BTF3: variants seen among roughly 807,000 people sequenced by gnomAD.
The protein encoded by BTF3 is transcription factor BTF3.
In BTF3, 12 loss-of-function variants were observed where a neutral mutation model predicts 23.9. The ratio of observed to expected loss-of-function variants is 0.50; its 90% CI spans 0.32 to 0.81. The LOEUF is 0.81. BTF3 is among the 40% of genes least tolerant of loss of function. The pLI, the probability that BTF3 is intolerant of heterozygous loss-of-function variation, is 0.03. For synonymous variants in BTF3, 96 were observed against 94.8 expected (o/e 1.01, Z -0.07); for missense variants, 215 against 255.9 (o/e 0.84, Z 1.09).
intron 2 of BTF3, chr5:73,499,706 C>G (rs1052365248): frequency 2.6e-5 from 5 of 192,170 alleles, no homozygotes; most frequent in African/African-American, 1.2e-4. Flanking sequence ...GAAAATATAA[C>G]CCAAGTAGGT....
chr5:73,504,540 T>A, intron 5 of BTF3, 137 bp downstream of exon 5: 1 of 602,592 alleles, frequency 1.7e-6, no homozygotes, highest in Non-Finnish European at 2.9e-6. Flanking sequence ...AGAAAAATAA[T>A]GCAGTATTAG....
chr5:73,498,664 G>T lies in BTF3; in HGVS notation c.-4G>T. 6.7e-7 allele frequency: 1 copy of T among 1,502,128 alleles called. No homozygotes were observed. The allele number at this position is 1,502,128 out of a possible 1,614,324, so 93.0% of individuals were successfully genotyped here. ...GGGACAGGGCAGAGGAGGAGAGGAA[G>T]GCGATGCGACGGACAGGCGCACCCG... On this transcript the variant is annotated 5_prime_UTR_variant, in exon 1 of 6. In the 5' UTR this introduces an upstream ATG that the reference lacks. Transcript: ENST00000380591.
In BTF3 at chr5:73,498,448, A is replaced by G; in HGVS notation, c.-220A>G. 1.9e-6 allele frequency: 1 copy of G among 531,252 alleles called. No individual in the cohort carries two copies. 32.9% of individuals were successfully genotyped at this position (531,252 alleles called of 1,614,324 possible). On this transcript the variant is annotated 5_prime_UTR_variant, in exon 1 of 6. Coordinates refer to ENST00000380591, the MANE Select transcript of BTF3 (RefSeq NM_001037637.2). ...CTTGTGTCACTTCCGGCCTCCCTTT[A>G]GCTGCCATCTTGCGTCCCCGCGTGT...
chr5:73,499,086 C>G (rs772202683), intron 1 of BTF3, 48 bp from the exon 2 acceptor site: 12 of 1,549,964 alleles, frequency 7.7e-6, no homozygotes, highest in Non-Finnish European at 1.1e-5. Context: ...GCATGGAATG[C>G]TAGAGTGAGC....
rs924220934 is a variant in BTF3 at position 73,505,495 on chromosome 5, A to G, written c.*257A>G. On this transcript the variant is annotated 3_prime_UTR_variant, in exon 6 of 6. Coordinates refer to ENST00000380591, the MANE Select transcript of BTF3 (RefSeq NM_001037637.2). ...AGATTAATAAAGTTCTTTGCCTAGT[A>G]TACAGTTTTATTTTTTTATTTCATT... The G allele has an allele frequency of 1.1e-5, 4 of 352,000 alleles. No homozygotes were observed. The highest frequency in any genetic ancestry group is 5.8e-5 in the East Asian group (1 of 17,210). 21.8% of individuals were successfully genotyped at this position (352,000 alleles called of 1,614,324 possible). A position where few individuals can be genotyped will look rare whatever the true frequency, so the allele number is the denominator to read the frequency against.
intron 2 of BTF3, among the ~76,000 whole-genome samples, chr5:73,501,777 G>A (rs1450248900): frequency 2.0e-5 from 3 of 152,136 alleles, no homozygotes; most frequent in Non-Finnish European, 4.4e-5. Flanking sequence ...CTTTACTATC[G>A]AGTCCTATAG....
chr5:73,499,521 C>G (rs1746383243), intron 2 of BTF3: 3 of 405,700 alleles, frequency 7.4e-6, no homozygotes, highest in South Asian at 2.1e-5. Flanking sequence ...ACATCATACC[C>G]TTGACTTGTT....
chr5:73,499,816 G>A (rs1001340983), intron 2 of BTF3, among the ~76,000 whole-genome samples: 3 of 152,146 alleles, frequency 2.0e-5, no homozygotes, highest in Non-Finnish European at 2.9e-5. Flanking sequence ...TTTCCTGGTG[G>A]ATACTGATTC....
In BTF3 at chr5:73,504,343, A is replaced by G; in HGVS notation, c.518-4A>G. On this transcript the variant is annotated splice_polypyrimidine_tract_variant and splice_region_variant and intron_variant, in intron 4 of 5. Coordinates refer to ENST00000380591, the MANE Select transcript of BTF3 (RefSeq NM_001037637.2). ...CAAATAATGTTTACATTTTCCTTTC[A>G]TAGCTGTGGATGGAAAAGCACCACT... is the stretch of plus-strand genomic sequence containing the variant. The G allele has an allele frequency of 6.9e-7, 1 of 1,459,812 alleles. No individual in the cohort carries two copies. The highest frequency in any genetic ancestry group is 9.1e-7 in the Non-Finnish European group (1 of 1,104,498). 90.4% of individuals were successfully genotyped at this position (1,459,812 alleles called of 1,614,324 possible). A position where few individuals can be genotyped will look rare whatever the true frequency, so the allele number is the denominator to read the frequency against.
rs571335885 is a variant in BTF3, at chr5:73,504,912, C to T, written c.575-280C>T. ...ATCACTGGACTCATAAATATTCCCA[C>T]TTTGCATAGACAGGTATCCTTAGGA... is the stretch of plus-strand genomic sequence containing the variant. On this transcript the variant is annotated intron_variant, in intron 5 of 5. Coordinates refer to ENST00000380591, the MANE Select transcript of BTF3 (RefSeq NM_001037637.2). The T allele has an allele frequency of 7.4e-4, 239 of 324,696 alleles. 1 individual carries two copies. The highest frequency in any genetic ancestry group is 5.1e-3 in the African/African-American group (231 of 45,536). The allele number at this position is 324,696 out of a possible 1,614,324, so 20.1% of individuals were successfully genotyped here. A position where few individuals can be genotyped will look rare whatever the true frequency, so the allele number is the denominator to read the frequency against.
Position 73,498,732 on chromosome 5 carries a change from G to A in BTF3, c.65G>A (p.Cys22Tyr), listed in dbSNP as rs906717629. The change falls in exon 1 of 6, where the codon TGC (cysteine) becomes TAC (tyrosine). Residue 22 changes from cysteine (C) to tyrosine (Y), a missense_variant. Cys to Tyr is a radical substitution (Grantham distance 194). Coordinates refer to ENST00000380591, the MANE Select transcript of BTF3 (RefSeq NM_001037637.2). The part of the protein sequence containing the change: ...SRGRGRARGG[C>Y]PGGEATLSQP... ...GGGCGAGGTCGAGCCAGGGGCGGCT[G>A]CCCTGGGGGCGAGGCGACGCTGTCT... The A allele has an allele frequency of 2.0e-6, 3 of 1,490,320 alleles. No homozygotes were observed. Among genetic ancestry groups the A allele is most frequent in the Admixed American group, 2.7e-5 (1 of 36,504 alleles). The allele number at this position is 1,490,320 out of a possible 1,614,324, so 92.3% of individuals were successfully genotyped here.
chr5:73,503,010 A>G lies in BTF3; in HGVS notation c.410A>G (p.His137Arg). 2 of 1,613,956 alleles carry G rather than the reference A, an allele frequency of 1.2e-6. No individual in the cohort carries two copies. The highest frequency in any genetic ancestry group is 1.7e-6 in the Non-Finnish European group (2 of 1,179,906). Residue 137 changes from histidine to arginine, a missense_variant, in exon 4 of 6, where the codon CAT becomes CGT. Around this residue, in one of 2 missense-constraint regions of BTF3, gnomAD observed 99 missense variants for 171.2 expected, o/e 0.58. Transcript: ENST00000380591. ...LAANTFTITG[H>R]AETKQLTEML... Reference sequence around the variant, plus strand: ...GCGAACACTTTCACCATTACAGGCCATGCTGAGACAAAGCAGCTGACAGAA... The same window carrying G: ...GCGAACACTTTCACCATTACAGGCCGTGCTGAGACAAAGCAGCTGACAGAA...
intron 5 of BTF3, chr5:73,504,704 G>C (rs1441639352): frequency 4.5e-6 from 1 of 221,792 alleles, no homozygotes; most frequent in Non-Finnish European, 8.6e-6. Flanking sequence ...AATGACCCTT[G>C]CTCCCTACTT....
Position 73,498,589 on chromosome 5 carries a change from A to C in BTF3, c.-79A>C. 6 of 1,409,346 alleles carry C rather than the reference A, an allele frequency of 4.3e-6. No homozygotes were observed. Among genetic ancestry groups the C allele is most frequent in the Non-Finnish European group, 5.5e-6 (6 of 1,089,846 alleles). 87.3% of individuals were successfully genotyped at this position (1,409,346 alleles called of 1,614,324 possible). A position where few individuals can be genotyped will look rare whatever the true frequency, so the allele number is the denominator to read the frequency against. ...AAAAGGCTCTGGACGGCGGCGTGGT[A>C]GGAGGACGGGAGCGGGGGCGGGAAG... On this transcript the variant is annotated 5_prime_UTR_variant, in exon 1 of 6. Transcript: ENST00000380591.
intron 2 of BTF3, among the ~76,000 whole-genome samples, chr5:73,500,633 G>C (rs914089658): frequency 6.6e-6 from 1 of 152,162 alleles, no homozygotes; most frequent in African/African-American, 2.4e-5. Flanking sequence ...TGTGAAATTA[G>C]GTGAGTTAAT....
In BTF3 at chr5:73,501,179, G is replaced by A. The variant is rs190204294; in HGVS notation, c.202-1309G>A. ...ATGGGAATGATTTGGCATAGGGAAAGGGGGTAATTGCAGAATTTAGGAAAG... is the reference window on the plus strand; with the variant it reads ...ATGGGAATGATTTGGCATAGGGAAAAGGGGTAATTGCAGAATTTAGGAAAG... On this transcript the variant is annotated intron_variant, in intron 2 of 5. Transcript: ENST00000380591. Among the ~76,000 whole-genome samples the A allele has an allele frequency of 2.8e-4, 42 of 152,298 alleles. No individual in the cohort carries two copies. In the East Asian group the frequency reaches 7.5e-3, roughly 27 times the overall value.
intron 4 of BTF3, among the ~76,000 whole-genome samples, chr5:73,503,430 G>GA (rs1217680301): frequency 1.3e-5 from 2 of 150,734 alleles, no homozygotes; most frequent in African/African-American, 4.9e-5. Context: ...GTTTGGAATT[G>GA]AAAAAAAAAT....
intron 2 of BTF3, 42 bp from the exon 3 acceptor site, chr5:73,502,446 G>A (rs1284204451): frequency 7.3e-7 from 1 of 1,361,328 alleles, no homozygotes; most frequent in Non-Finnish European, 1.0e-6. Context: ...ATCTGTTGTG[G>A]TATAAATGTG....
chr5:73,499,524 G>T, intron 2 of BTF3: 1 of 403,022 alleles, frequency 2.5e-6, no homozygotes, highest in Non-Finnish European at 4.7e-6. Context: ...TCATACCCTT[G>T]ACTTGTTTTG....
Sources: allele counts gnomAD v4.1 joint callset (sites outside exome capture counted in the v4.1 genomes callset), GRCh38; gene constraint gnomAD v4.1.1; regional missense constraint gnomAD v4.1.1; transcripts MANE v1.5; gene names NCBI Gene and HGNC (gene_info 2026-07-23, HGNC 2026-07-21).